Variants in BTRC observed in about 807,000 individuals in gnomAD.
BTRC encodes the protein beta-transducin repeat containing E3 ubiquitin protein ligase.
A neutral mutation model predicts 85.5 loss-of-function variants in BTRC; 42 were observed. That is an observed-to-expected ratio of 0.49 (90% CI 0.38 to 0.64). The LOEUF (loss-of-function observed/expected upper bound fraction) is 0.64, where lower values mean the gene tolerates loss of function less well. Among genes scored for constraint, BTRC ranks in the 30% least tolerant of loss-of-function variants. BTRC has a pLI of 0.00. For synonymous variants in BTRC, 255 were observed against 263.3 expected (o/e 0.97, Z 0.30); for missense variants, 594 against 743.5 (o/e 0.80, Z 2.34).
At chr10:101,531,699 CGACAGAGCGA>C (rs1279049303) in intron 7 of BTRC, among the ~76,000 whole-genome samples, 108 of 150,640 alleles carry the variant, frequency 7.2e-4, no homozygotes, top group African/African-American at 2.5e-3. Context: ...CCCTCCTGAA[CGACAGAGCGA>C]GACTCCATCA....
chr10:101,539,006 ATGCT>A (rs2062428251), intron 13 of BTRC, among the ~76,000 whole-genome samples: 1 of 151,566 alleles, frequency 6.6e-6, no homozygotes, highest in Admixed American at 6.6e-5. Context: ...AACCAAGATC[ATGCT>A]TGCACTCCAG....
At chr10:101,376,888 A>G (rs1942803712) in intron 1 of BTRC, among the ~76,000 whole-genome samples, 1 of 152,084 alleles carries the variant, frequency 6.6e-6, no homozygotes, top group East Asian at 1.9e-4. Context: ...TTACTCTTTA[A>G]ATATATATTT....
chr10:101,474,301 C>G (rs562099365), intron 3 of BTRC, among the ~76,000 whole-genome samples: 2 of 152,230 alleles, frequency 1.3e-5, no homozygotes, highest in South Asian at 4.1e-4. Flanking sequence ...TTGTTAAGGT[C>G]AGGTGTATTT....
intron 2 of BTRC, among the ~76,000 whole-genome samples, chr10:101,447,949 T>C (rs959162489): frequency 9.2e-5 from 14 of 152,170 alleles, no homozygotes; most frequent in Non-Finnish European, 1.6e-4. Context: ...TGCTAAATGA[T>C]AGTAAAATTT....
intron 4 of BTRC, among the ~76,000 whole-genome samples, chr10:101,519,305 C>T (rs1364039802): frequency 1.3e-5 from 2 of 152,006 alleles, no homozygotes; most frequent in African/African-American, 4.8e-5. Context: ...TTGTCAAACT[C>T]CTGACCTTAG....
intron 1 of BTRC, among the ~76,000 whole-genome samples, chr10:101,387,264 C>A (rs1196310929): frequency 1.3e-5 from 2 of 151,326 alleles, no homozygotes; most frequent in Non-Finnish European, 2.9e-5. Context: ...TATTGTGATA[C>A]ATATAGTGAT....
chr10:101,457,390 A>G (rs1263327503), intron 2 of BTRC, among the ~76,000 whole-genome samples: 1 of 152,222 alleles, frequency 6.6e-6, no homozygotes, highest in East Asian at 1.9e-4. Context: ...CTCATGGTCA[A>G]GTAGCATGTA....
rs769847885 is a variant in BTRC at position 101,533,011 on chromosome 10, C to T, written c.1038C>T (p.Val346=). 6.2e-7 allele frequency: 1 copy of T among 1,613,624 alleles called. No homozygotes were observed. ...KRILTGHTGS[V]LCLQYDERVI... ...TTCTCACAGGCCATACAGGTTCAGT[C>T]CTCTGTCTCCAGTATGATGAGAGAG... Residue 346 remains valine (V), a synonymous_variant, in exon 9 of 15, where the codon GTC becomes GTT. Coordinates refer to ENST00000370187, the MANE Select transcript of BTRC (RefSeq NM_033637.4).
intron 11 of BTRC, among the ~76,000 whole-genome samples, chr10:101,535,754 T>C (rs2062376190): frequency 6.6e-6 from 1 of 152,212 alleles, no homozygotes; most frequent in Non-Finnish European, 1.5e-5. Context: ...AAAAGAAAGA[T>C]TTGTTTCCTT....
At chr10:101,522,812 T>C (rs567003749) in intron 5 of BTRC, among the ~76,000 whole-genome samples, 1 of 152,264 alleles carries the variant, frequency 6.6e-6, no homozygotes, top group South Asian at 2.1e-4. Flanking sequence ...TTCTGAGGTG[T>C]TACCTGGTGT....
chr10:101,409,067 CAAAA>C (rs1447342307), intron 1 of BTRC, among the ~76,000 whole-genome samples: 3 of 151,642 alleles, frequency 2.0e-5, no homozygotes, highest in African/African-American at 7.3e-5. Context: ...AAACAAAAAA[CAAAA>C]AAAGCCACAC....
At chr10:101,357,807 TG>T (rs1335965923) in intron 1 of BTRC, among the ~76,000 whole-genome samples, 4 of 152,240 alleles carry the variant, frequency 2.6e-5, no homozygotes, top group Non-Finnish European at 5.9e-5. Flanking sequence ...TAAAGCTTAT[TG>T]TTTTACTTGT....
At chr10:101,489,902 C>G (rs181018140) in intron 4 of BTRC, among the ~76,000 whole-genome samples, 2 of 152,222 alleles carry the variant, frequency 1.3e-5, no homozygotes, top group African/African-American at 4.8e-5. Flanking sequence ...CCAAGAAACT[C>G]CCTTGTAATT....
chr10:101,420,011 C>T (rs1207029230), intron 1 of BTRC, among the ~76,000 whole-genome samples: 1 of 150,834 alleles, frequency 6.6e-6, no homozygotes, highest in Non-Finnish European at 1.5e-5. Flanking sequence ...TGCTCCTAGG[C>T]CCTCTCAGTT....
intron 2 of BTRC, among the ~76,000 whole-genome samples, chr10:101,448,819 TTTTTC>T (rs1321067048): frequency 6.6e-6 from 1 of 151,992 alleles, no homozygotes; most frequent in Non-Finnish European, 1.5e-5. Flanking sequence ...TATAATTTTT[TTTTTC>T]TCCCTATATA....
intron 3 of BTRC, among the ~76,000 whole-genome samples, chr10:101,464,378 T>C (rs1026476336): frequency 3.9e-5 from 6 of 152,204 alleles, no homozygotes; most frequent in East Asian, 3.8e-4. Context: ...CTAATCTGAT[T>C]CATTTTAAAA....
At chr10:101,354,876 G>A (rs976407328) in intron 1 of BTRC, among the ~76,000 whole-genome samples, 2 of 152,160 alleles carry the variant, frequency 1.3e-5, no homozygotes, top group African/African-American at 4.8e-5. Context: ...AAGAAGATAA[G>A]GACTGGGAAT....
intron 6 of BTRC, among the ~76,000 whole-genome samples, chr10:101,527,577 A>G (rs1212624233): frequency 6.6e-6 from 1 of 152,036 alleles, no homozygotes. Context: ...ACATATTGAG[A>G]CCTCATCTCT....
At chr10:101,456,771 A>C (rs537193045) in intron 2 of BTRC, among the ~76,000 whole-genome samples, 29 of 152,300 alleles carry the variant, frequency 1.9e-4, no homozygotes, top group Non-Finnish European at 3.7e-4. Context: ...GTTGACAGGG[A>C]GACTTTCATT....
Sources: gnomAD v4.1 joint callset for allele counts (sites outside exome capture counted in the v4.1 genomes callset) on GRCh38, gnomAD v4.1.1 for gene constraint, MANE v1.5 for transcripts, NCBI Gene and HGNC (gene_info 2026-07-23, HGNC 2026-07-21) for gene names.